The following UBE2K variants were observed in gnomAD, a reference collection of about 807,000 sequenced individuals.
The protein encoded by UBE2K is ubiquitin conjugating enzyme E2 K.
In UBE2K, 6 loss-of-function variants were observed where a neutral mutation model predicts 30.0. The observed-to-expected ratio is 0.20, with a 90% CI of 0.11 to 0.39. The LOEUF (loss-of-function observed/expected upper bound fraction) is 0.39. Ranked by LOEUF, UBE2K falls within the 10% of genes least tolerant of loss-of-function variation. The probability of loss-of-function intolerance (pLI) is 1.00; values close to 1 mark genes in which losing one functional copy is unlikely to be tolerated. For synonymous variants in UBE2K, 86 were observed against 83.7 expected (o/e 1.03, Z -0.15); for missense variants, 61 against 241.6 (o/e 0.25, Z 4.96).
intron 2 of UBE2K, among the ~76,000 whole-genome samples, chr4:39,743,817 C>T (rs900431852): frequency 6.6e-6 from 1 of 152,150 alleles, no homozygotes; most frequent in African/African-American, 2.4e-5. Flanking sequence ...AATCCAGCCT[C>T]TCATCCAGTG....
At position 39,782,777 on chromosome 4, in the gene UBE2K, T is replaced by C. The variant is rs567640698; in HGVS notation, c.*4343T>C. 1 of 152,304 alleles carries C rather than the reference T, an allele frequency of 6.6e-6. No homozygotes were observed. The highest frequency in any genetic ancestry group is 6.5e-5 in the Admixed American group (1 of 15,294). 9.4% of individuals were successfully genotyped at this position (152,304 alleles called of 1,614,324 possible). A position where few individuals can be genotyped will look rare whatever the true frequency, so the allele number is the denominator to read the frequency against. ...GAATTCTTAAAAATAAATGCATGCA[T>C]GTTTTCCCCTGAAAATGGTTTATAT... On this transcript the variant is annotated 3_prime_UTR_variant, in exon 7 of 7. Coordinates refer to ENST00000261427, the MANE Select transcript of UBE2K (RefSeq NM_005339.5).
At chr4:39,757,091 T>C (rs572372957) in intron 4 of UBE2K, among the ~76,000 whole-genome samples, 1 of 146,814 alleles carries the variant, frequency 6.8e-6, no homozygotes, top group African/African-American at 2.5e-5. Flanking sequence ...AGTGGCACGA[T>C]CTTGGCTCAC....
At chr4:39,703,824 G>A (rs1202339542) in intron 1 of UBE2K, among the ~76,000 whole-genome samples, 4 of 129,344 alleles carry the variant, frequency 3.1e-5, no homozygotes, top group African/African-American at 8.6e-5. Flanking sequence ...GCAGCCTGGC[G>A]ACAGAGCGAG....
At chr4:39,754,333 T>C (rs1166857547) in intron 3 of UBE2K, among the ~76,000 whole-genome samples, 2 of 152,116 alleles carry the variant, frequency 1.3e-5, no homozygotes, top group Admixed American at 6.6e-5. Flanking sequence ...GAATGGAAAG[T>C]ATCTTATTTT....
chr4:39,769,832 T>C (rs568501453), intron 4 of UBE2K, among the ~76,000 whole-genome samples: 2 of 152,244 alleles, frequency 1.3e-5, no homozygotes, highest in South Asian at 4.1e-4. Context: ...AATCTTTCTC[T>C]GGGACCCCGT....
In UBE2K at chr4:39,703,872, T is replaced by A. The variant is rs547830305; in HGVS notation, c.63+5482T>A. On this transcript the variant is annotated intron_variant, in intron 1 of 6. Coordinates refer to ENST00000261427, the MANE Select transcript of UBE2K (RefSeq NM_005339.5). ...AAAAAAAAAAAAAAAAAGAATACTT[T>A]GAGACTTAACTGTATCAGATGTGTA... Among the ~76,000 whole-genome samples the A allele has an allele frequency of 7.3e-5, 11 of 150,832 alleles. No individual in the cohort carries two copies. In the East Asian group the frequency reaches 2.2e-3, roughly 30 times the overall value.
At chr4:39,728,177 A>G (rs1035124615) in intron 1 of UBE2K, among the ~76,000 whole-genome samples, 8 of 152,076 alleles carry the variant, frequency 5.3e-5, no homozygotes, top group Admixed American at 3.9e-4. Context: ...TTGACTCTTG[A>G]ATCAGTTTTA....
chr4:39,720,258 T>A (rs907507174), intron 1 of UBE2K, among the ~76,000 whole-genome samples: 1 of 152,118 alleles, frequency 6.6e-6, no homozygotes, highest in Non-Finnish European at 1.5e-5. Flanking sequence ...TGTAGTCAGG[T>A]CTTGAATTAG....
chr4:39,774,732 G>C, intron 4 of UBE2K, 102 bp from the exon 5 acceptor site: 1 of 498,126 alleles, frequency 2.0e-6, no homozygotes, highest in Non-Finnish European at 3.3e-6. Flanking sequence ...AAAGATCTAA[G>C]TAACTTTTAG....
At chr4:39,762,262 A>G (rs960700453) in intron 4 of UBE2K, among the ~76,000 whole-genome samples, 1 of 151,974 alleles carries the variant, frequency 6.6e-6, no homozygotes, top group Admixed American at 6.6e-5. Context: ...GGGTCTTGCT[A>G]TGTTGCCCAA....
At chr4:39,699,321 A>G (rs999059729) in intron 1 of UBE2K, among the ~76,000 whole-genome samples, 1 of 151,400 alleles carries the variant, frequency 6.6e-6, no homozygotes, top group African/African-American at 2.5e-5. Flanking sequence ...CTTACTTTTG[A>G]AAAGCAGACC....
chr4:39,781,776 G>T lies in UBE2K; in HGVS notation c.*3342G>T. The T allele has an allele frequency of 5.1e-6, 2 of 395,034 alleles. No homozygotes were observed. Among genetic ancestry groups the T allele is most frequent in the African/African-American group, 2.1e-5 (1 of 48,650 alleles). The allele number at this position is 395,034 out of a possible 1,614,324, so 24.5% of individuals were successfully genotyped here. On this transcript the variant is annotated 3_prime_UTR_variant, in exon 7 of 7. Transcript: ENST00000261427. ...TTTATTTCATGGACTTCTACAAAAT[G>T]TTGTATTAATCACTTTTTCTAGTTC...
chr4:39,768,326 TC>T (rs1473002973), intron 4 of UBE2K, among the ~76,000 whole-genome samples: 2 of 144,186 alleles, frequency 1.4e-5, no homozygotes, highest in African/African-American at 5.2e-5. Flanking sequence ...GCGCCTGTAA[TC>T]CCAGCCACCC....
At chr4:39,733,052 A>G (rs955868507) in intron 1 of UBE2K, among the ~76,000 whole-genome samples, 3 of 2,600 alleles carry the variant, frequency 1.2e-3, no homozygotes, top group Non-Finnish European at 2.7e-3. Flanking sequence ...GAACATCAGG[A>G]AAAAAAAAAA....
At chr4:39,726,652 A>G (rs560522284) in intron 1 of UBE2K, among the ~76,000 whole-genome samples, 1 of 152,100 alleles carries the variant, frequency 6.6e-6, no homozygotes, top group Admixed American at 6.6e-5. Flanking sequence ...CTGGAGTGCA[A>G]TGGTGCGATC....
intron 4 of UBE2K, among the ~76,000 whole-genome samples, chr4:39,764,909 A>C (rs994498523): frequency 1.8e-5 from 2 of 108,886 alleles, no homozygotes; most frequent in African/African-American, 1.4e-4. Context: ...TTTTCGAGAC[A>C]AGAGTCTCAC....
intron 4 of UBE2K, among the ~76,000 whole-genome samples, chr4:39,764,514 C>T (rs950088541): frequency 1.3e-5 from 2 of 150,930 alleles, no homozygotes; most frequent in East Asian, 3.9e-4. Flanking sequence ...ACAACGATCA[C>T]AGCTCACTGC....
At chr4:39,747,202 G>T (rs1721027073) in intron 3 of UBE2K, among the ~76,000 whole-genome samples, 1 of 150,874 alleles carries the variant, frequency 6.6e-6, no homozygotes, top group African/African-American at 2.4e-5. Flanking sequence ...GATAAAATAT[G>T]CATGACATAA....
At chr4:39,721,279 A>G (rs1719405990) in intron 1 of UBE2K, among the ~76,000 whole-genome samples, 1 of 152,204 alleles carries the variant, frequency 6.6e-6, no homozygotes, top group South Asian at 2.1e-4. Flanking sequence ...GAATGAACTC[A>G]GGATCATTTA....
Sources: gnomAD v4.1 joint callset for allele counts (sites outside exome capture counted in the v4.1 genomes callset) on GRCh38, gnomAD v4.1.1 for gene constraint, MANE v1.5 for transcripts, NCBI Gene and HGNC (gene_info 2026-07-23, HGNC 2026-07-21) for gene names.